Variants in ZFAND1 observed in about 807,000 individuals in gnomAD.
ZFAND1 encodes the protein AN1-type zinc finger protein 1.
A neutral mutation model predicts 38.5 loss-of-function variants in ZFAND1; 40 were observed. That is an observed-to-expected ratio of 1.04 (90% CI 0.81 to 1.35). The LOEUF (loss-of-function observed/expected upper bound fraction) is 1.35. ZFAND1 is among the 40% of genes most tolerant of loss of function. The pLI, the probability that ZFAND1 is intolerant of heterozygous loss-of-function variation, is 0.00. For missense variants in ZFAND1, 346 were observed against 316.3 expected (o/e 1.09, Z -0.71); for synonymous variants, 117 against 103.6 (o/e 1.13, Z -0.78).
At chr8:81,718,876 G>A (rs945867440) in intron 1 of ZFAND1, among the ~76,000 whole-genome samples, 3 of 151,510 alleles carry the variant, frequency 2.0e-5, no homozygotes, top group Non-Finnish European at 4.4e-5. Flanking sequence ...ATATATGTAT[G>A]TAAATAAACA....
chr8:81,718,204 C>A lies in ZFAND1; in HGVS notation c.76G>T (p.Asp26Tyr). 6.4e-7 allele frequency: 1 copy of A among 1,572,202 alleles called. No homozygotes were observed. The highest frequency in any genetic ancestry group is 1.2e-5 in the South Asian group (1 of 84,436). ...TACCAAAATATTCCTGAACAATCAT[C>A]ACACACAAATGGAAGAAAATCTAAA... ...RQRDFLPFVC[D>Y]DCSGIFCLEH... is the part of the protein sequence containing the mutation. The change falls in exon 2 of 8, where the codon GAT becomes TAT. Residue 26 changes from aspartate (D) to tyrosine (Y), a missense_variant. By Grantham distance (160) the Asp-to-Tyr change is radical (BLOSUM62 -3). Coordinates refer to ENST00000220669, the MANE Select transcript of ZFAND1 (RefSeq NM_024699.3).
At chr8:81,709,046 T>C (rs567494910) in intron 6 of ZFAND1, among the ~76,000 whole-genome samples, 1 of 152,334 alleles carries the variant, frequency 6.6e-6, no homozygotes, top group South Asian at 2.1e-4. Flanking sequence ...CTTGGGAATT[T>C]ATCTCACAGA....
At position 81,721,268 on chromosome 8, in the gene ZFAND1, T is replaced by C; in HGVS notation, c.14A>G (p.Asp5Gly). ...CTCCACCTGGCAGTGCTGCCCGATG[T>C]CCAACTCCGCCATCTCTCCGGCGCC... MAEL[D>G]IGQHCQVEHC... Residue 5 changes from aspartate (D) to glycine (G), a missense_variant, in exon 1 of 8, where the codon GAC becomes GGC. Transcript: ENST00000220669. 1.3e-6 allele frequency: 2 copies of C among 1,549,146 alleles called. No homozygotes were observed. The highest frequency in any genetic ancestry group is 1.7e-6 in the Non-Finnish European group (2 of 1,147,120).
rs553149074 is a variant in ZFAND1, at chr8:81,701,497, T to C, written c.*1198A>G. ...GGCTCAATATACTCCAATATTTGCT[T>C]TGTGTGGTAGTCTGAAACTGAACCC... is the stretch of plus-strand genomic sequence containing the variant. On this transcript the variant is annotated 3_prime_UTR_variant, in exon 8 of 8. Coordinates refer to ENST00000220669, the MANE Select transcript of ZFAND1 (RefSeq NM_024699.3). 1 of 152,342 alleles carries C rather than the reference T, an allele frequency of 6.6e-6. No individual in the cohort carries two copies. Among genetic ancestry groups the C allele is most frequent in the East Asian group, 1.9e-4 (1 of 5,192 alleles). 9.4% of individuals were successfully genotyped at this position (152,342 alleles called of 1,614,324 possible).
intron 6 of ZFAND1, among the ~76,000 whole-genome samples, chr8:81,704,399 ATAGTG>A (rs1807910210): frequency 6.6e-6 from 1 of 151,994 alleles, no homozygotes; most frequent in African/African-American, 2.4e-5. Flanking sequence ...TTAGCTGGGT[ATAGTG>A]GTGTGTGCTG....
Position 81,702,959 on chromosome 8 carries a change from G to A in ZFAND1, c.636+10C>T, listed in dbSNP as rs761397327. 16 of 1,496,338 alleles carry A rather than the reference G, an allele frequency of 1.1e-5. No individual in the cohort carries two copies. The highest frequency in any genetic ancestry group is 5.7e-5 in the African/African-American group (4 of 69,946). 92.7% of individuals were successfully genotyped at this position (1,496,338 alleles called of 1,614,324 possible). ...ATTAATATAGAAATATTATTATAAT[G>A]AGATGTTACCTTAGCTGTAAATTTG... On this transcript the variant is annotated intron_variant, in intron 7 of 7. Coordinates refer to ENST00000220669, the MANE Select transcript of ZFAND1 (RefSeq NM_024699.3).
intron 5 of ZFAND1, chr8:81,714,516 T>C (rs1808240981): frequency 1.1e-5 from 4 of 349,784 alleles, no homozygotes; most frequent in Admixed American, 8.6e-5. Flanking sequence ...AGCAGCTGAC[T>C]ACTTCAATCT....
chr8:81,702,932 T>G, intron 7 of ZFAND1, 37 bp downstream of exon 7: 2 of 1,502,716 alleles, frequency 1.3e-6, no homozygotes, highest in African/African-American at 1.4e-5. Context: ...CATAAAACCT[T>G]TATTAATATA....
At chr8:81,703,249 T>C in intron 6 of ZFAND1, 125 bp from the exon 7 acceptor site, 1 of 603,502 alleles carries the variant, frequency 1.7e-6, no homozygotes, top group Non-Finnish European at 2.6e-6. Flanking sequence ...ATCTGCTACT[T>C]GGAATACCAA....
At chr8:81,715,905 T>C (rs1302720645) in intron 3 of ZFAND1, among the ~76,000 whole-genome samples, 2 of 152,340 alleles carry the variant, frequency 1.3e-5, no homozygotes, top group African/African-American at 4.8e-5. Flanking sequence ...AATCAAATTA[T>C]ATCCTAAGAA....
rs1554590697 is a variant in ZFAND1, at chr8:81,719,354, C to CAA, written c.56-1132_56-1131dup. ...ACACACACACACACACACACACACA[C>CAA]AAATTAGCTGGGCGTGGTGGTTCAT... is the stretch of plus-strand genomic sequence containing the variant. On this transcript the variant is annotated intron_variant, in intron 1 of 7. Transcript: ENST00000220669. 4.0e-5 allele frequency among the ~76,000 whole-genome samples: 6 copies of CAA among 148,724 alleles called. No individual in the cohort carries two copies. In the East Asian group the frequency reaches 1.1e-3, roughly 26 times the overall value.
In ZFAND1 at chr8:81,702,727, A is replaced by T. The variant is rs1225792544; in HGVS notation, c.775T>A (p.Phe259Ile). The T allele has an allele frequency of 6.4e-7, 1 of 1,568,240 alleles. No individual in the cohort carries two copies. Among genetic ancestry groups the T allele is most frequent in the Admixed American group, 1.9e-5 (1 of 51,802 alleles). The stretch of plus-strand genomic sequence containing the variant: ...AAGTAAGATTCAACATTTTTACAGA[A>T]TTGTTCTTCATCATTAAGATATTCC... ...ILEYLNDEEQ[F>I]CKNVESYLE is the part of the protein sequence containing the mutation. The change falls in exon 8 of 8, where the codon TTC becomes ATC. Residue 259 changes from phenylalanine to isoleucine, a missense_variant. Physicochemically the swap from Phe to Ile is conservative, Grantham distance 21. Transcript: ENST00000220669.
intron 6 of ZFAND1, among the ~76,000 whole-genome samples, chr8:81,713,097 CTT>C (rs1808185643): frequency 6.8e-6 from 1 of 147,232 alleles, no homozygotes; most frequent in Non-Finnish European, 1.5e-5. Context: ...TTCTAACAAT[CTT>C]TTTTTGTTTG....
Position 81,702,232 on chromosome 8 carries a change from G to C in ZFAND1, c.*463C>G, listed in dbSNP as rs986360521. The C allele has an allele frequency of 5.9e-5, 9 of 152,420 alleles. No homozygotes were observed. Among genetic ancestry groups the C allele is most frequent in the African/African-American group, 1.9e-4 (8 of 41,444 alleles). 9.4% of individuals were successfully genotyped at this position (152,420 alleles called of 1,614,324 possible). A position where few individuals can be genotyped will look rare whatever the true frequency, so the allele number is the denominator to read the frequency against. ...TTTCTGGCTCCATGATGCTAGGCTT[G>C]GCCACATGACTTGCTTAAAGCACGT... On this transcript the variant is annotated 3_prime_UTR_variant, in exon 8 of 8. Transcript: ENST00000220669.
intron 5 of ZFAND1, 160 bp from the exon 6 acceptor site, chr8:81,714,199 C>T (rs1308611354): frequency 2.4e-5 from 15 of 635,686 alleles, no homozygotes; most frequent in Non-Finnish European, 3.4e-5. Flanking sequence ...TTTACATTGT[C>T]AATGGAAAAA....
At chr8:81,706,911 TG>T (rs1808001362) in intron 6 of ZFAND1, among the ~76,000 whole-genome samples, 1 of 151,804 alleles carries the variant, frequency 6.6e-6, no homozygotes, top group Admixed American at 6.6e-5. Context: ...TAAGTAGCAA[TG>T]AAAATAAGGA....
chr8:81,703,877 T>A (rs894809022), intron 6 of ZFAND1, among the ~76,000 whole-genome samples: 5 of 152,184 alleles, frequency 3.3e-5, no homozygotes, highest in African/African-American at 9.7e-5. Context: ...AGAAAACAGA[T>A]GAGCTCTTTC....
At chr8:81,713,007 T>C (rs1038317841) in intron 6 of ZFAND1, among the ~76,000 whole-genome samples, 11 of 152,224 alleles carry the variant, frequency 7.2e-5, no homozygotes, top group African/African-American at 2.7e-4. Flanking sequence ...AGGTTTTCTA[T>C]TTCTAGGTAT....
intron 6 of ZFAND1, among the ~76,000 whole-genome samples, chr8:81,707,975 G>A (rs530423767): frequency 3.9e-5 from 6 of 152,240 alleles, no homozygotes; most frequent in East Asian, 1.9e-4. Flanking sequence ...CAAGCCAGGC[G>A]CAGTGGCTCA....
Sources: gnomAD v4.1 joint callset for allele counts (sites outside exome capture counted in the v4.1 genomes callset) on GRCh38, gnomAD v4.1.1 for gene constraint, MANE v1.5 for transcripts, NCBI Gene and HGNC (gene_info 2026-07-23, HGNC 2026-07-21) for gene names.